Variants in CYRIA observed in about 807,000 individuals in gnomAD.
CYRIA encodes the protein CYFIP-related Rac1 interactor A.
Under a neutral mutation model 43.9 loss-of-function variants are expected in CYRIA, and 15 were observed. The observed-to-expected ratio is 0.34, with a 90% CI of 0.23 to 0.53. CYRIA has a LOEUF of 0.53. CYRIA is among the 20% of genes least tolerant of loss of function. The pLI, the probability that CYRIA is intolerant of heterozygous loss-of-function variation, is 0.94. For synonymous variants in CYRIA, 117 were observed against 136.0 expected, an observed-to-expected ratio of 0.86 and a Z score of 0.97; for missense variants, 236 against 394.2, an observed-to-expected ratio of 0.60 and a Z score of 3.40.
rs376730737 is a variant in CYRIA, at chr2:16,582,578, C to A, written c.70+5472G>T. 4.6e-5 allele frequency among the ~76,000 whole-genome samples: 7 copies of A among 152,296 alleles called. No homozygotes were observed. In the East Asian group the frequency reaches 1.4e-3, roughly 29 times the overall value. On this transcript the variant is annotated intron_variant, in intron 3 of 11. Transcript: ENST00000381323. ...TAATCTTTCTGTCTCGACAAATTTG[C>A]CTATTCTAGACATTTCATATAGATG... is the stretch of plus-strand genomic sequence containing the variant.
chr2:16,601,575 G>A (rs1668207039), intron 2 of CYRIA, among the ~76,000 whole-genome samples: 1 of 152,066 alleles, frequency 6.6e-6, no homozygotes, highest in Non-Finnish European at 1.5e-5. Context: ...AATTTTGGAT[G>A]TACTCATGGT....
chr2:16,579,836 GCAATA>G (rs1412041913), intron 3 of CYRIA, among the ~76,000 whole-genome samples: 1 of 151,986 alleles, frequency 6.6e-6, no homozygotes, highest in Non-Finnish European at 1.5e-5. Flanking sequence ...ATTGATTAAT[GCAATA>G]CAATAATTAA....
At chr2:16,641,816 G>C (rs554866523) in intron 1 of CYRIA, among the ~76,000 whole-genome samples, 16 of 152,316 alleles carry the variant, frequency 1.1e-4, no homozygotes, top group Admixed American at 3.9e-4. Flanking sequence ...CTGGGGGTGA[G>C]AGCAGAGGAC....
chr2:16,582,043 T>C (rs560689549), intron 3 of CYRIA, among the ~76,000 whole-genome samples: 17 of 152,324 alleles, frequency 1.1e-4, no homozygotes, highest in Admixed American at 7.2e-4. Context: ...TAGCTGTTTT[T>C]GGGGTCTGGT....
intron 2 of CYRIA, among the ~76,000 whole-genome samples, chr2:16,623,531 C>A (rs912963831): frequency 6.6e-6 from 1 of 152,092 alleles, no homozygotes; most frequent in Non-Finnish European, 1.5e-5. Flanking sequence ...TACCAAAGGA[C>A]CTCTCCTCCT....
intron 1 of CYRIA, among the ~76,000 whole-genome samples, chr2:16,638,200 G>C (rs1159849847): frequency 6.6e-6 from 1 of 152,206 alleles, no homozygotes; most frequent in Non-Finnish European, 1.5e-5. Flanking sequence ...CCTGCAGGCT[G>C]TTACTGGTTT....
At chr2:16,629,912 T>C (rs573380762) in intron 1 of CYRIA, among the ~76,000 whole-genome samples, 1 of 152,320 alleles carries the variant, frequency 6.6e-6, no homozygotes, top group African/African-American at 2.4e-5. Context: ...ATTTGTCTGA[T>C]GCCACCCAGC....
intron 2 of CYRIA, among the ~76,000 whole-genome samples, chr2:16,619,638 TA>T (rs1168807490): frequency 2.6e-5 from 4 of 152,330 alleles, no homozygotes; most frequent in Admixed American, 1.3e-4. Flanking sequence ...TTCTGCTCAC[TA>T]ACACCTCCAT....
chr2:16,664,723 A>G (rs1230948975), intron 1 of CYRIA, among the ~76,000 whole-genome samples: 2 of 152,112 alleles, frequency 1.3e-5, no homozygotes, highest in African/African-American at 4.8e-5. Flanking sequence ...TCCCATCCAG[A>G]GGAGATAGTG....
chr2:16,569,185 C>A (rs1667046289), intron 3 of CYRIA, among the ~76,000 whole-genome samples: 1 of 152,154 alleles, frequency 6.6e-6, no homozygotes, highest in Non-Finnish European at 1.5e-5. Context: ...TACCACTTCT[C>A]TCCCAGAGGA....
chr2:16,604,515 C>G (rs577751041), intron 2 of CYRIA, among the ~76,000 whole-genome samples: 1 of 152,320 alleles, frequency 6.6e-6, no homozygotes, highest in South Asian at 2.1e-4. Context: ...CACAGAACCC[C>G]GTTTACAACA....
At chr2:16,556,938 C>G (rs1282605931) in intron 10 of CYRIA, among the ~76,000 whole-genome samples, 2 of 151,962 alleles carry the variant, frequency 1.3e-5, no homozygotes, top group Non-Finnish European at 2.9e-5. Flanking sequence ...AGACGGGAAC[C>G]CAGGAGAAGG....
chr2:16,559,593 G>C lies in CYRIA; in HGVS notation c.711-7C>G. On this transcript the variant is annotated splice_region_variant and splice_polypyrimidine_tract_variant and intron_variant, in intron 9 of 11. Coordinates refer to ENST00000381323, the MANE Select transcript of CYRIA (RefSeq NM_030797.4). ...AAACCTACTTCTGTACTCCCTGCAA[G>C]AGAAGAAACAGCAGTGGCGTCACTT... The C allele has an allele frequency of 6.2e-7, 1 of 1,610,768 alleles. No individual in the cohort carries two copies. Among genetic ancestry groups the C allele is most frequent in the Non-Finnish European group, 8.5e-7 (1 of 1,178,270 alleles).
intron 1 of CYRIA, among the ~76,000 whole-genome samples, chr2:16,644,790 A>G (rs1311808606): frequency 2.0e-5 from 3 of 152,134 alleles, no homozygotes; most frequent in Non-Finnish European, 4.4e-5. Context: ...TTAACATGCA[A>G]GGGGGTCAAT....
chr2:16,646,344 T>C (rs1004220935), intron 1 of CYRIA, among the ~76,000 whole-genome samples: 1 of 152,234 alleles, frequency 6.6e-6, no homozygotes, highest in Non-Finnish European at 1.5e-5. Context: ...ACATAGCACA[T>C]TTTGAAAATC....
chr2:16,565,502 A>G (rs1333505847), intron 4 of CYRIA, 144 bp downstream of exon 4: 11 of 1,041,158 alleles, frequency 1.1e-5, no homozygotes, highest in Non-Finnish European at 1.3e-5. Context: ...TTTTGTTTTT[A>G]AGGACACATT....
At chr2:16,655,846 T>C (rs1670097201) in intron 1 of CYRIA, among the ~76,000 whole-genome samples, 1 of 152,242 alleles carries the variant, frequency 6.6e-6, no homozygotes, top group Admixed American at 6.5e-5. Context: ...TGCAAATGAT[T>C]TGGGTGTTTT....
At chr2:16,648,205 G>A (rs78282875) in intron 1 of CYRIA, among the ~76,000 whole-genome samples, 6,092 of 152,116 alleles carry the variant, frequency 0.04, 157 homozygotes, top group Middle Eastern at 0.088. Flanking sequence ...TGGAGTCTCT[G>A]CCACACCCAC....
At position 16,550,526 on chromosome 2, in the gene CYRIA, C is replaced by T. The variant is rs1262674952; in HGVS notation, c.*2410G>A. 1 of 152,084 alleles carries T rather than the reference C, an allele frequency of 6.6e-6. No homozygotes were observed. Among genetic ancestry groups the T allele is most frequent in the Admixed American group, 6.6e-5 (1 of 15,258 alleles). 9.4% of individuals were successfully genotyped at this position (152,084 alleles called of 1,614,324 possible). On this transcript the variant is annotated 3_prime_UTR_variant, in exon 12 of 12. Transcript: ENST00000381323. ...TCTCAGAATCCATGTACTGCTGAGT[C>T]TTGGCTTTGAGACAAGACAAGTCTT...
Sources: allele counts gnomAD v4.1 joint callset (sites outside exome capture counted in the v4.1 genomes callset), GRCh38; gene constraint gnomAD v4.1.1; transcripts MANE v1.5; gene names NCBI Gene and HGNC (gene_info 2026-07-23, HGNC 2026-07-21).